The following SLC1A1 variants were observed in gnomAD, a reference collection of about 807,000 sequenced individuals.
SLC1A1 encodes the protein excitatory amino acid transporter 3.
Under a neutral mutation model 53.3 loss-of-function variants are expected in SLC1A1, and 43 were observed. The observed-to-expected ratio is 0.81, with a 90% confidence interval of 0.63 to 1.04. SLC1A1 has a LOEUF of 1.04. SLC1A1 is among the 50% of genes least tolerant of loss of function. The pLI is 0.00. For synonymous variants in SLC1A1, 307 were observed against 243.2 expected (o/e 1.26, Z -2.44); for missense variants, 748 against 664.9 (o/e 1.12, Z -1.37).
chr9:4,497,934 T>C (rs961562334), intron 1 of SLC1A1, among the ~76,000 whole-genome samples: 1 of 152,234 alleles, frequency 6.6e-6, no homozygotes, highest in African/African-American at 2.4e-5. Flanking sequence ...TTACCACTTA[T>C]AGGTAGTGGA....
At chr9:4,561,137 A>G (rs1166413507) in intron 2 of SLC1A1, among the ~76,000 whole-genome samples, 1 of 152,208 alleles carries the variant, frequency 6.6e-6, no homozygotes, top group African/African-American at 2.4e-5. Context: ...TAAAGTTCTT[A>G]GTGCAAATGT....
chr9:4,530,711 T>A (rs745916815), intron 1 of SLC1A1, among the ~76,000 whole-genome samples: 1 of 152,268 alleles, frequency 6.6e-6, no homozygotes, highest in South Asian at 2.1e-4. Context: ...ATTGCTTTAA[T>A]AACACAATTA....
At chr9:4,565,985 T>G (rs1420886142) in intron 4 of SLC1A1, 62 bp from the exon 5 acceptor site, 4 of 1,215,628 alleles carry the variant, frequency 3.3e-6, no homozygotes, top group Non-Finnish European at 4.9e-6. Flanking sequence ...TACCAATATA[T>G]TAGGTATGAC....
chr9:4,490,915 CG>C, intron 1 of SLC1A1, 145 bp downstream of exon 1: 2 of 664,032 alleles, frequency 3.0e-6, no homozygotes, highest in Non-Finnish European at 5.2e-6. Flanking sequence ...GGGCCCCCTG[CG>C]GGGGCTTTCC....
chr9:4,541,416 T>C (rs1816996298), intron 1 of SLC1A1, among the ~76,000 whole-genome samples: 1 of 152,240 alleles, frequency 6.6e-6, no homozygotes, highest in Admixed American at 6.5e-5. Context: ...TTGTTTTCTT[T>C]TCCATACAGC....
intron 1 of SLC1A1, among the ~76,000 whole-genome samples, chr9:4,510,895 C>T (rs1820977989): frequency 6.6e-6 from 1 of 152,198 alleles, no homozygotes; most frequent in Admixed American, 6.5e-5. Flanking sequence ...GCTTCAGCTC[C>T]ACCGTAAACA....
At position 4,573,924 on chromosome 9, in the gene SLC1A1, T is replaced by C; in HGVS notation, c.785T>C (p.Ile262Thr). The C allele has an allele frequency of 6.2e-7, 1 of 1,612,832 alleles. No individual in the cohort carries two copies. The highest frequency in any genetic ancestry group is 8.5e-7 in the Non-Finnish European group (1 of 1,178,778). Residue 262 changes from isoleucine to threonine, a missense_variant, in exon 8 of 12, where the codon ATT becomes ACT. By Grantham distance (89) the Ile-to-Thr change is moderately conservative (BLOSUM62 -1). Coordinates refer to ENST00000262352, the MANE Select transcript of SLC1A1 (RefSeq NM_004170.6). Reference sequence around the variant, plus strand: ...CTTTCCAGTTATATGCCACTAGGTATTTTGTTCCTGATTGCTGGGAAGATC... The same window carrying C: ...CTTTCCAGTTATATGCCACTAGGTACTTTGTTCCTGATTGCTGGGAAGATC... ...QIIMCYMPLG[I>T]LFLIAGKIIE...
Position 4,556,456 on chromosome 9 carries a change from G to A in SLC1A1, c.233-4993G>A, listed in dbSNP as rs1016480360. On this transcript the variant is annotated intron_variant, in intron 2 of 11. Transcript: ENST00000262352. The surrounding 1 kb of genome is among the most constrained non-coding windows in gnomAD (Gnocchi z 4.1). ...CATTCTCATTTATCACCCCCTATAG[G>A]ACAGCTTTCAACTCCCAGGAGAAAC... 2.6e-5 allele frequency among the ~76,000 whole-genome samples: 4 copies of A among 152,196 alleles called. No individual in the cohort carries two copies. The highest frequency in any genetic ancestry group is 9.6e-5 in the African/African-American group (4 of 41,514).
Position 4,583,982 on chromosome 9 carries a change from G to A in SLC1A1, c.1328+810G>A, listed in dbSNP as rs1821358194. Among the ~76,000 whole-genome samples, 1 of 151,960 alleles carries A rather than the reference G, an allele frequency of 6.6e-6. No individual in the cohort carries two copies. On this transcript the variant is annotated intron_variant, in intron 11 of 11. Transcript: ENST00000262352. This position sits in a 1 kb window ranked among gnomAD's most constrained non-coding sequence, Gnocchi z 4.6. Reference sequence around the variant, plus strand: ...ACCCTCAAGGTTAAAGTTAGAACCAGCCTGGCTCCAAGCTTTACCCTTGAT... The same window carrying A: ...ACCCTCAAGGTTAAAGTTAGAACCAACCTGGCTCCAAGCTTTACCCTTGAT...
chr9:4,569,712 T>C (rs1356863036), intron 6 of SLC1A1, among the ~76,000 whole-genome samples: 1 of 152,228 alleles, frequency 6.6e-6, no homozygotes, highest in Non-Finnish European at 1.5e-5. Context: ...TCAGAGGCCC[T>C]GCATGACCTG....
At chr9:4,535,839 T>C (rs564772012) in intron 1 of SLC1A1, among the ~76,000 whole-genome samples, 1 of 152,136 alleles carries the variant, frequency 6.6e-6, no homozygotes, top group East Asian at 1.9e-4. Flanking sequence ...CAAAACAGCA[T>C]GGTACTGGTG....
chr9:4,493,963 A>G (rs1008332738), intron 1 of SLC1A1, among the ~76,000 whole-genome samples: 3 of 152,232 alleles, frequency 2.0e-5, no homozygotes, highest in South Asian at 2.1e-4. Flanking sequence ...GCTAAGAACT[A>G]AACATTTCTC....
intron 1 of SLC1A1, among the ~76,000 whole-genome samples, chr9:4,497,494 T>C (rs961160374): frequency 6.6e-5 from 10 of 152,216 alleles, no homozygotes; most frequent in African/African-American, 2.2e-4. Context: ...AATACATTTG[T>C]TGAATTGCTG....
chr9:4,530,252 C>A (rs1816417419), intron 1 of SLC1A1, among the ~76,000 whole-genome samples: 1 of 151,994 alleles, frequency 6.6e-6, no homozygotes, highest in Non-Finnish European at 1.5e-5. Context: ...TCATGGTGGG[C>A]AATGGAATAT....
intron 2 of SLC1A1, among the ~76,000 whole-genome samples, chr9:4,557,743 C>A (rs1244798107): frequency 6.6e-6 from 1 of 152,200 alleles, no homozygotes; most frequent in Non-Finnish European, 1.5e-5. Flanking sequence ...GGGGACAGCA[C>A]AAAAACAGAA....
chr9:4,545,048 TGGG>T (rs1817354738), intron 2 of SLC1A1, among the ~76,000 whole-genome samples: 1 of 152,152 alleles, frequency 6.6e-6, no homozygotes, highest in African/African-American at 2.4e-5. Flanking sequence ...CCTTGACACC[TGGG>T]GATTATGGGG....
intron 1 of SLC1A1, among the ~76,000 whole-genome samples, chr9:4,491,507 A>T (rs1272469018): frequency 6.6e-6 from 1 of 152,228 alleles, no homozygotes; most frequent in Non-Finnish European, 1.5e-5. Flanking sequence ...TGTTTAAGCC[A>T]TCCTTGCCTG....
intron 1 of SLC1A1, among the ~76,000 whole-genome samples, chr9:4,502,278 T>A (rs973312137): frequency 1.4e-5 from 2 of 144,686 alleles, no homozygotes; most frequent in Non-Finnish European, 3.0e-5. Context: ...TCCCAGCTAC[T>A]CAGGGGGCTG....
chr9:4,534,891 G>A (rs1266565977), intron 1 of SLC1A1, among the ~76,000 whole-genome samples: 2 of 152,118 alleles, frequency 1.3e-5, no homozygotes, highest in Non-Finnish European at 2.9e-5. Context: ...TGGGATGCAA[G>A]GCTGGTTCAA....
Sources: allele counts gnomAD v4.1 joint callset (sites outside exome capture counted in the v4.1 genomes callset), GRCh38; gene constraint gnomAD v4.1.1; non-coding constraint Gnocchi (gnomAD v3.1); transcripts MANE v1.5; gene names NCBI Gene and HGNC (gene_info 2026-07-23, HGNC 2026-07-21).